The following DROSHA variants were observed in gnomAD, a reference collection of about 807,000 sequenced individuals.
DROSHA encodes ribonuclease 3.
DROSHA carries 56 observed loss-of-function variants against 181.9 expected under a neutral mutation model. That is an observed-to-expected ratio of 0.31 (90% CI 0.25 to 0.38). The LOEUF (loss-of-function observed/expected upper bound fraction) is 0.38. DROSHA is among the 10% of genes least tolerant of loss of function. The pLI is 1.00. For synonymous variants in DROSHA, 524 were observed against 591.2 expected (o/e 0.89, Z 1.65); for missense variants, 1,218 against 1,743.5 (o/e 0.70, Z 5.37).
intron 16 of DROSHA, among the ~76,000 whole-genome samples, chr5:31,474,535 T>A (rs755705076): frequency 1.3e-5 from 2 of 152,090 alleles, no homozygotes; most frequent in Admixed American, 6.5e-5. Context: ...GCTACTTTTT[T>A]AATTTTTTTG....
intron 26 of DROSHA, among the ~76,000 whole-genome samples, chr5:31,431,366 C>CAAAAAAAA (rs58316191): frequency 1.7e-4 from 10 of 57,662 alleles, no homozygotes; most frequent in East Asian, 5.0e-4. Flanking sequence ...CAGTAGAATG[C>CAAAAAAAA]AAAAAAAAAA....
intron 23 of DROSHA, among the ~76,000 whole-genome samples, chr5:31,443,455 A>G (rs931852350): frequency 3.3e-5 from 5 of 152,114 alleles, no homozygotes; most frequent in Non-Finnish European, 4.4e-5. Context: ...TACTGATAAT[A>G]CGTCGATTAC....
In DROSHA at chr5:31,406,941, G is replaced by C. The variant is rs762537475; in HGVS notation, c.3859C>G (p.Leu1287Val). 1 of 1,613,506 alleles carries C rather than the reference G, an allele frequency of 6.2e-7. No individual in the cohort carries two copies. The highest frequency in any genetic ancestry group is 8.5e-7 in the Non-Finnish European group (1 of 1,179,574). Residue 1287 changes from leucine to valine, a missense_variant, in exon 34 of 36, where the codon CTG becomes GTG. Leu to Val is a conservative substitution (Grantham distance 32). Transcript: ENST00000344624. ...GCATGGGATGGGCCCACTGTCTGCA[G>C]AGTCCTGAAAGGGAAAGGAAAGAAC... Reference protein sequence around the residue: ...KEPDIPLYKTLQTVGPSHART... With the variant: ...KEPDIPLYKTVQTVGPSHART...
intron 35 of DROSHA, among the ~76,000 whole-genome samples, chr5:31,404,490 T>G (rs1011856849): frequency 6.6e-6 from 1 of 152,146 alleles, no homozygotes; most frequent in African/African-American, 2.4e-5. Context: ...TCCTGGAATC[T>G]CTCCCATGCC....
At chr5:31,515,309 C>G in intron 7 of DROSHA, 90 bp from the exon 8 acceptor site, 1 of 1,393,688 alleles carries the variant, frequency 7.2e-7, no homozygotes, top group Admixed American at 2.3e-5. Flanking sequence ...CATTTTTCAC[C>G]TAAAATATGA....
intron 6 of DROSHA, among the ~76,000 whole-genome samples, chr5:31,517,178 A>C (rs1206215669): frequency 6.6e-6 from 1 of 152,214 alleles, no homozygotes; most frequent in Non-Finnish European, 1.5e-5. Context: ...CAGGCTATGC[A>C]AATTTTTTAA....
At position 31,411,369 on chromosome 5, in the gene DROSHA, T is replaced by A. The variant is rs2149988653; in HGVS notation, c.3526-482A>T. Among the ~76,000 whole-genome samples, 1 of 152,214 alleles carries A rather than the reference T, an allele frequency of 6.6e-6. No homozygotes were observed. Among genetic ancestry groups the A allele is most frequent in the Non-Finnish European group, 1.5e-5 (1 of 68,018 alleles). On this transcript the variant is annotated intron_variant, in intron 30 of 35. Transcript: ENST00000344624. The surrounding 1 kb of genome is among the most constrained non-coding windows in gnomAD (Gnocchi z 4.2). ...TCACTCCAAACAAATTCCCAGCATC[T>A]CCATGCAGTGAATCCTTCCCAACCC...
At chr5:31,483,441 A>G in intron 16 of DROSHA, 113 bp downstream of exon 16, 5 of 976,062 alleles carry the variant, frequency 5.1e-6, no homozygotes, top group Non-Finnish European at 7.9e-6. Flanking sequence ...TGAGAAGTAG[A>G]TAATTAACAG....
intron 5 of DROSHA, among the ~76,000 whole-genome samples, chr5:31,522,492 A>C (rs903970969): frequency 6.6e-6 from 1 of 152,214 alleles, no homozygotes; most frequent in Non-Finnish European, 1.5e-5. Context: ...TTTTGCATTT[A>C]AGAATAACAC....
chr5:31,422,750 T>C, intron 29 of DROSHA, 37 bp downstream of exon 29: 2 of 1,610,164 alleles, frequency 1.2e-6, no homozygotes, highest in Non-Finnish European at 1.7e-6. Flanking sequence ...CTCATCTAAA[T>C]GGTCACATTG....
chr5:31,513,362 A>C (rs2150055771), intron 8 of DROSHA, among the ~76,000 whole-genome samples: 1 of 152,328 alleles, frequency 6.6e-6, no homozygotes, highest in African/African-American at 2.4e-5. Flanking sequence ...TTATGAGAAG[A>C]ACAAACCCAG....
chr5:31,529,517 C>T (rs181460657), intron 3 of DROSHA, among the ~76,000 whole-genome samples: 10 of 152,162 alleles, frequency 6.6e-5, no homozygotes, highest in South Asian at 2.1e-4. Flanking sequence ...AGGTGGATCA[C>T]GAGGGCAGGA....
At chr5:31,420,794 C>T (rs1580018851) in intron 30 of DROSHA, among the ~76,000 whole-genome samples, 1 of 152,306 alleles carries the variant, frequency 6.6e-6, no homozygotes, top group Non-Finnish European at 1.5e-5. Context: ...GAAGAAACCT[C>T]GTATTTTCCT....
intron 6 of DROSHA, among the ~76,000 whole-genome samples, chr5:31,518,948 T>A (rs2150059204): frequency 6.6e-6 from 1 of 152,296 alleles, no homozygotes; most frequent in Admixed American, 6.5e-5. Flanking sequence ...AGTTAATATT[T>A]TTTTTAACAC....
In DROSHA at chr5:31,409,287, T is replaced by G; in HGVS notation, c.3713A>C (p.His1238Pro). 1 of 1,592,656 alleles carries G rather than the reference T, an allele frequency of 6.3e-7. No homozygotes were observed. The highest frequency in any genetic ancestry group is 8.6e-7 in the Non-Finnish European group (1 of 1,168,770). ...LYIDKDLEYV[H>P]TFMNVCFFPR... is the part of the protein sequence containing the mutation. ...AAAGAAGCAGACATTCATGAAAGTA[T>G]GAACATATTCCAAATCCTTATCAAT... Residue 1238 changes from histidine to proline, a missense_variant, in exon 32 of 36, where the codon CAT becomes CCT. Around this residue, in one of 8 missense-constraint regions of DROSHA, gnomAD observed 47 missense variants for 70.6 expected, o/e 0.67. Coordinates refer to ENST00000344624, the MANE Select transcript of DROSHA (RefSeq NM_001382508.1). The surrounding 1 kb of genome is among the most constrained non-coding windows in gnomAD (Gnocchi z 4.0).
intron 35 of DROSHA, among the ~76,000 whole-genome samples, chr5:31,401,808 T>C (rs1409299932): frequency 1.3e-5 from 2 of 152,172 alleles, no homozygotes; most frequent in East Asian, 3.9e-4. Context: ...AACTTGGGTA[T>C]AGCAGGCACC....
At chr5:31,512,612 G>T (rs971386003) in intron 8 of DROSHA, among the ~76,000 whole-genome samples, 3 of 152,182 alleles carry the variant, frequency 2.0e-5, no homozygotes, top group Non-Finnish European at 4.4e-5. Context: ...AACTTACATG[G>T]CAAAAAGGAT....
intron 5 of DROSHA, 104 bp downstream of exon 5, chr5:31,525,975 A>T: frequency 8.7e-7 from 1 of 1,144,358 alleles, no homozygotes; most frequent in South Asian, 2.1e-5. Flanking sequence ...CCTTACATAA[A>T]TCAAGATGCC....
chr5:31,529,434 G>A lies in DROSHA; in HGVS notation c.-46-329C>T, dbSNP rs367653697. ...CCCTTCATACTCTCGTTTCCTTCAT[G>A]GTAAAAACAGGTAGGCATAGGCCGG... On this transcript the variant is annotated intron_variant, in intron 3 of 35. Coordinates refer to ENST00000344624, the MANE Select transcript of DROSHA (RefSeq NM_001382508.1). Among the ~76,000 whole-genome samples, 7 of 152,156 alleles carry A rather than the reference G, an allele frequency of 4.6e-5. No homozygotes were observed. The East Asian group carries it at 7.7e-4, about 17-fold the overall frequency.
Sources: gnomAD v4.1 joint callset for allele counts (sites outside exome capture counted in the v4.1 genomes callset) on GRCh38, gnomAD v4.1.1 for gene constraint, gnomAD v4.1.1 regional missense constraint, Gnocchi (gnomAD v3.1) non-coding constraint, MANE v1.5 for transcripts, NCBI Gene and HGNC (gene_info 2026-07-23, HGNC 2026-07-21) for gene names.